Variants in ATL2 observed in about 807,000 individuals in gnomAD.
ATL2 encodes atlastin-2.
In ATL2, 31 loss-of-function variants were observed where a neutral mutation model predicts 73.9. The ratio of observed to expected loss-of-function variants is 0.42; its 90% CI spans 0.32 to 0.57. The LOEUF (loss-of-function observed/expected upper bound fraction) is 0.57, where lower values mean the gene tolerates loss of function less well. Ranked by LOEUF, ATL2 falls within the 20% of genes least tolerant of loss-of-function variation. ATL2 has a pLI of 0.14. For missense variants in ATL2, 738 were observed against 702.6 expected (o/e 1.05, Z -0.57); for synonymous variants, 291 against 237.5 (o/e 1.23, Z -2.07).
intron 1 of ATL2, 117 bp from the exon 2 acceptor site, chr2:38,343,629 A>G (rs1573534351): frequency 1.2e-6 from 1 of 859,458 alleles, no homozygotes; most frequent in East Asian, 2.6e-5. Context: ...CCCATTATAG[A>G]TCATTATAAT....
chr2:38,339,349 A>G (rs1451054987), intron 2 of ATL2, among the ~76,000 whole-genome samples: 7 of 152,212 alleles, frequency 4.6e-5, no homozygotes, highest in South Asian at 2.1e-4. Context: ...AAGAGCACCA[A>G]TGGAAAAACT....
chr2:38,377,676 C>A (rs768189435), upstream of ATL2, among the ~76,000 whole-genome samples: 5 of 152,180 alleles, frequency 3.3e-5, no homozygotes, highest in African/African-American at 1.2e-4. Flanking sequence ...CATCTCTAAT[C>A]GTTGATTCGT....
intron 1 of ATL2, among the ~76,000 whole-genome samples, chr2:38,356,430 C>A (rs1009778157): frequency 6.6e-6 from 1 of 151,714 alleles, no homozygotes; most frequent in African/African-American, 2.4e-5. Flanking sequence ...CTCAAGTGAT[C>A]CACCCACCTC....
chr2:38,315,699 T>A (rs999230233), intron 4 of ATL2, among the ~76,000 whole-genome samples: 3 of 152,140 alleles, frequency 2.0e-5, no homozygotes, highest in Non-Finnish European at 4.4e-5. Context: ...ATTTCCACCA[T>A]CATTTTTCTA....
intron 1 of ATL2, among the ~76,000 whole-genome samples, chr2:38,364,303 G>T (rs1671179515): frequency 6.6e-6 from 1 of 152,110 alleles, no homozygotes; most frequent in South Asian, 2.1e-4. Flanking sequence ...AGTATAGTCT[G>T]AGAATGTTGG....
At chr2:38,303,833 G>A (rs982918356) in intron 9 of ATL2, among the ~76,000 whole-genome samples, 4 of 152,118 alleles carry the variant, frequency 2.6e-5, no homozygotes, top group Admixed American at 6.5e-5. Context: ...AAAGGTCAAC[G>A]GTAAAGAATG....
intron 11 of ATL2, among the ~76,000 whole-genome samples, chr2:38,298,784 A>G (rs1213006792): frequency 6.6e-6 from 1 of 152,232 alleles, no homozygotes; most frequent in Non-Finnish European, 1.5e-5. Context: ...AAATATGACT[A>G]ACGGAAACTG....
At position 38,295,720 on chromosome 2, in the gene ATL2, T is replaced by C. The variant is rs1165210664; in HGVS notation, c.*274A>G. On this transcript the variant is annotated 3_prime_UTR_variant, in exon 13 of 13. Transcript: ENST00000378954. ...TTTACATAAGACAAATTCACTAACA[T>C]TAGATTAAGTAAAAAGAAATAAAAG... 6 of 228,494 alleles carry C rather than the reference T, an allele frequency of 2.6e-5. No homozygotes were observed. Among genetic ancestry groups the C allele is most frequent in the Non-Finnish European group, 5.1e-5 (6 of 117,364 alleles). The allele number at this position is 228,494 out of a possible 1,614,324, so 14.2% of individuals were successfully genotyped here.
chr2:38,367,379 A>G (rs1414231006), intron 1 of ATL2, among the ~76,000 whole-genome samples: 4 of 151,418 alleles, frequency 2.6e-5, no homozygotes, highest in East Asian at 2.0e-4. Flanking sequence ...CAAGGCGGGC[A>G]GATCACGAGG....
At chr2:38,318,261 T>A (rs112290035) in intron 4 of ATL2, 1 of 254,468 alleles carries the variant, frequency 3.9e-6, no homozygotes, top group Admixed American at 5.3e-5. Flanking sequence ...GCGGGTCACC[T>A]GAGGTCAGGA....
intron 1 of ATL2, among the ~76,000 whole-genome samples, chr2:38,351,775 G>A (rs1420628207): frequency 1.3e-5 from 2 of 151,562 alleles, no homozygotes; most frequent in African/African-American, 2.4e-5. Flanking sequence ...TTACAGGCGT[G>A]AGCCACCTCA....
chr2:38,346,425 A>G (rs1457896826), intron 1 of ATL2, among the ~76,000 whole-genome samples: 5 of 152,090 alleles, frequency 3.3e-5, no homozygotes, highest in South Asian at 2.1e-4. Flanking sequence ...CACATGCTCT[A>G]TAAGGTCCCG....
intron 2 of ATL2, among the ~76,000 whole-genome samples, chr2:38,327,633 A>G (rs1668741660): frequency 6.6e-6 from 1 of 152,056 alleles, no homozygotes; most frequent in African/African-American, 2.4e-5. Context: ...AATGACCTAA[A>G]TACACCAATT....
intron 9 of ATL2, among the ~76,000 whole-genome samples, chr2:38,308,194 G>T (rs1316551278): frequency 2.0e-5 from 3 of 152,132 alleles, no homozygotes; most frequent in African/African-American, 7.2e-5. Context: ...CTACAATTTG[G>T]AAGCAACCTG....
chr2:38,320,610 C>A (rs1365010328), intron 2 of ATL2, among the ~76,000 whole-genome samples: 2 of 152,030 alleles, frequency 1.3e-5, no homozygotes, highest in Admixed American at 1.3e-4. Flanking sequence ...TAAATGAATA[C>A]CTTTGACAGA....
At chr2:38,353,248 A>T (rs1288314249) in intron 1 of ATL2, among the ~76,000 whole-genome samples, 1 of 152,108 alleles carries the variant, frequency 6.6e-6, no homozygotes, top group Non-Finnish European at 1.5e-5. Context: ...TCTCAGCCAA[A>T]AAACTATAGA....
intron 9 of ATL2, among the ~76,000 whole-genome samples, chr2:38,307,408 C>T (rs951366856): frequency 6.7e-6 from 1 of 148,828 alleles, no homozygotes; most frequent in South Asian, 2.1e-4. Flanking sequence ...TGAGGCCAGG[C>T]GAATTGCTTG....
intron 1 of ATL2, among the ~76,000 whole-genome samples, chr2:38,375,498 G>T (rs1385711395): frequency 2.6e-5 from 4 of 152,124 alleles, no homozygotes; most frequent in African/African-American, 9.7e-5. Context: ...ACAATCTGAA[G>T]AGTATCATCT....
At chr2:38,336,511 T>C (rs184941839) in intron 2 of ATL2, among the ~76,000 whole-genome samples, 34 of 152,324 alleles carry the variant, frequency 2.2e-4, no homozygotes, top group African/African-American at 7.5e-4. Context: ...TATCCTCCCA[T>C]CAGTCTAGTT....
Sources: allele counts gnomAD v4.1 joint callset (sites outside exome capture counted in the v4.1 genomes callset), GRCh38; gene constraint gnomAD v4.1.1; transcripts MANE v1.5; gene names NCBI Gene and HGNC (gene_info 2026-07-23, HGNC 2026-07-21).